The following GABRG3 variants were observed in gnomAD, a reference collection of about 807,000 sequenced individuals.
GABRG3 encodes the protein gamma-aminobutyric acid receptor subunit gamma-3.
GABRG3 carries 25 observed loss-of-function variants against 48.8 expected under a neutral mutation model. The ratio of observed to expected loss-of-function variants is 0.51; its 90% CI spans 0.37 to 0.72. The LOEUF (loss-of-function observed/expected upper bound fraction) is 0.72. Ranked by LOEUF, GABRG3 falls within the 30% of genes least tolerant of loss-of-function variation. The probability of loss-of-function intolerance (pLI) is 0.00; values close to 1 mark genes in which losing one functional copy is unlikely to be tolerated. For synonymous variants in GABRG3, 227 were observed against 217.6 expected (o/e 1.04, Z -0.38); for missense variants, 394 against 577.9 (o/e 0.68, Z 3.26).
chr15:27,175,575 C>T (rs1375395426), intron 3 of GABRG3, among the ~76,000 whole-genome samples: 1 of 152,226 alleles, frequency 6.6e-6, no homozygotes, highest in Non-Finnish European at 1.5e-5. Flanking sequence ...ATGTCTTTAA[C>T]TAAAAGCAGT....
At chr15:27,487,078 A>G (rs558924046) in intron 6 of GABRG3, among the ~76,000 whole-genome samples, 2 of 152,308 alleles carry the variant, frequency 1.3e-5, no homozygotes, top group Admixed American at 1.3e-4. Flanking sequence ...TAATTTTAAA[A>G]ATAGTGTCAG....
At position 27,388,607 on chromosome 15, in the gene GABRG3, G is replaced by A. The variant is rs190505552; in HGVS notation, c.574+59719G>A. On this transcript the variant is annotated intron_variant, in intron 5 of 9. Coordinates refer to ENST00000615808, the MANE Select transcript of GABRG3 (RefSeq NM_033223.5). ...CAATGTTTAGGAAAAGTCACTCAAA[G>A]AGCTGTGGGGTGCTGGGATGGTAGA... Among the ~76,000 whole-genome samples the A allele has an allele frequency of 1.1e-3, 165 of 152,262 alleles. 2 individuals carry two copies. The East Asian group carries it at 0.027, about 25-fold the overall frequency.
At chr15:27,474,821 A>T (rs992260030) in intron 5 of GABRG3, among the ~76,000 whole-genome samples, 6 of 152,166 alleles carry the variant, frequency 3.9e-5, no homozygotes. Flanking sequence ...CCTACTCTTG[A>T]GAAAAGTGGA....
Position 27,484,585 on chromosome 15 carries a change from C to T in GABRG3, c.712+3798C>T, listed in dbSNP as rs1890176749. Among the ~76,000 whole-genome samples the T allele has an allele frequency of 2.6e-5, 4 of 152,120 alleles. No individual in the cohort carries two copies. The South Asian group carries it at 8.3e-4, about 32-fold the overall frequency. ...GCAGGAGCAATAAGTACCCTTAGTG[C>T]CCAGATCTTGGTTTCTAATATCATT... On this transcript the variant is annotated intron_variant, in intron 6 of 9. Transcript: ENST00000615808.
At chr15:27,088,390 G>C (rs978499853) in intron 3 of GABRG3, among the ~76,000 whole-genome samples, 7 of 152,042 alleles carry the variant, frequency 4.6e-5, no homozygotes, top group African/African-American at 1.4e-4. Flanking sequence ...GAGGGCAGGC[G>C]CTCGTGGGAG....
At chr15:27,428,355 G>A (rs1462628561) in intron 5 of GABRG3, 1 of 152,204 alleles carries the variant, frequency 6.6e-6, no homozygotes, top group Non-Finnish European at 1.5e-5. Context: ...GTACTGTCAT[G>A]TAATTCACAC....
chr15:27,078,519 T>C (rs1595509915), intron 3 of GABRG3, among the ~76,000 whole-genome samples: 1 of 152,300 alleles, frequency 6.6e-6, no homozygotes, highest in South Asian at 2.1e-4. Context: ...TCAGGAAATC[T>C]GTAGATGTCA....
intron 3 of GABRG3, among the ~76,000 whole-genome samples, chr15:27,209,729 G>T (rs1360861862): frequency 6.6e-6 from 1 of 152,202 alleles, no homozygotes; most frequent in Non-Finnish European, 1.5e-5. Context: ...TGGTGGCTGG[G>T]GCAGCTGTAA....
At chr15:27,144,583 A>G (rs2140391965) in intron 3 of GABRG3, among the ~76,000 whole-genome samples, 2 of 152,292 alleles carry the variant, frequency 1.3e-5, no homozygotes, top group Middle Eastern at 3.4e-3. Flanking sequence ...TTCAAAGGAA[A>G]AGCTAAGGAG....
chr15:27,247,117 G>A (rs936667287), intron 3 of GABRG3, among the ~76,000 whole-genome samples: 16 of 152,248 alleles, frequency 1.1e-4, no homozygotes, highest in Admixed American at 4.6e-4. Context: ...TTTTAAATTT[G>A]TATGTAGAGA....
At chr15:27,254,383 G>C (rs1426932994) in intron 3 of GABRG3, among the ~76,000 whole-genome samples, 1 of 152,076 alleles carries the variant, frequency 6.6e-6, no homozygotes, top group African/African-American at 2.4e-5. Context: ...TTCTGAGTAC[G>C]CTACTGTGTT....
intron 2 of GABRG3, among the ~76,000 whole-genome samples, chr15:27,004,072 G>T (rs937091811): frequency 2.0e-5 from 3 of 149,804 alleles, no homozygotes; most frequent in Non-Finnish European, 4.5e-5. Context: ...TGACCCGGCG[G>T]GGGGCTGACC....
rs192323708 is a variant in GABRG3 at position 27,525,056 on chromosome 15, G to A, written c.866-2377G>A. ...GAACTGGAAAGAACCAAAATATCCCGCAACAAGTGAAAGGCTAACGAAACT... is the reference window on the plus strand; with the variant it reads ...GAACTGGAAAGAACCAAAATATCCCACAACAAGTGAAAGGCTAACGAAACT... On this transcript the variant is annotated intron_variant, in intron 7 of 9. Coordinates refer to ENST00000615808, the MANE Select transcript of GABRG3 (RefSeq NM_033223.5). Among the ~76,000 whole-genome samples, 57 of 152,000 alleles carry A rather than the reference G, an allele frequency of 3.8e-4. No homozygotes were observed. The East Asian group carries it at 4.5e-3, about 12-fold the overall frequency.
At chr15:27,260,994 A>G (rs1244050468) in intron 3 of GABRG3, among the ~76,000 whole-genome samples, 5 of 152,176 alleles carry the variant, frequency 3.3e-5, no homozygotes, top group African/African-American at 1.2e-4. Flanking sequence ...GGTATTCTAC[A>G]GTAGTATTCT....
intron 2 of GABRG3, among the ~76,000 whole-genome samples, chr15:27,011,847 CAAAA>C (rs10605771): frequency 3.2e-5 from 4 of 123,542 alleles, no homozygotes; most frequent in Non-Finnish European, 1.7e-5. Flanking sequence ...GACTCCGTCT[CAAAA>C]AAAAAAAAAA....
chr15:27,059,369 G>A (rs1896607434), intron 3 of GABRG3, among the ~76,000 whole-genome samples: 1 of 152,156 alleles, frequency 6.6e-6, no homozygotes, highest in Non-Finnish European at 1.5e-5. Context: ...TAGAAAATTG[G>A]CAAAACGGAT....
intron 3 of GABRG3, among the ~76,000 whole-genome samples, chr15:27,079,954 T>C (rs1229371806): frequency 6.6e-6 from 1 of 152,176 alleles, no homozygotes; most frequent in African/African-American, 2.4e-5. Flanking sequence ...TCACTCAGTA[T>C]GCAGAGGTGG....
chr15:27,244,388 T>C (rs922524265), intron 3 of GABRG3, among the ~76,000 whole-genome samples: 1 of 152,174 alleles, frequency 6.6e-6, no homozygotes, highest in Non-Finnish European at 1.5e-5. Flanking sequence ...GTGAGCATGC[T>C]GGGAGCATCT....
chr15:27,139,126 C>A (rs936490637), intron 3 of GABRG3, among the ~76,000 whole-genome samples: 9 of 152,118 alleles, frequency 5.9e-5, no homozygotes, highest in African/African-American at 2.2e-4. Flanking sequence ...TGAAAAGTCC[C>A]ATGATGAGCT....
Sources: allele counts gnomAD v4.1 joint callset (sites outside exome capture counted in the v4.1 genomes callset), GRCh38; gene constraint gnomAD v4.1.1; transcripts MANE v1.5; gene names NCBI Gene and HGNC (gene_info 2026-07-23, HGNC 2026-07-21).